ST8SIA1: variants seen among roughly 807,000 people sequenced by gnomAD.
ST8SIA1 encodes the protein ST8 alpha-N-acetyl-neuraminide alpha-2,8-sialyltransferase 1.
Under a neutral mutation model 35.9 loss-of-function variants are expected in ST8SIA1, and 16 were observed. The observed-to-expected ratio is 0.45, with a 90% CI of 0.30 to 0.68. The LOEUF is 0.68. ST8SIA1 is among the 30% of genes least tolerant of loss of function. ST8SIA1 has a pLI of 0.09. For missense variants in ST8SIA1, 383 were observed against 453.6 expected (o/e 0.84, Z 1.41); for synonymous variants, 170 against 169.6 (o/e 1.00, Z -0.02).
intron 4 of ST8SIA1, among the ~76,000 whole-genome samples, chr12:22,236,907 C>T (rs1257102481): frequency 2.6e-5 from 4 of 151,912 alleles, no homozygotes; most frequent in East Asian, 1.9e-4. Context: ...ACAAGGTTAC[C>T]GGAAAGATGT....
intron 2 of ST8SIA1, among the ~76,000 whole-genome samples, chr12:22,260,447 C>T (rs113745408): frequency 4.2e-4 from 64 of 152,304 alleles, no homozygotes; most frequent in African/African-American, 1.5e-3. Context: ...CATGAGCCAC[C>T]GCGCCCAGCC....
At chr12:22,260,450 G>C (rs1250974662) in intron 2 of ST8SIA1, among the ~76,000 whole-genome samples, 1 of 152,136 alleles carries the variant, frequency 6.6e-6, no homozygotes, top group Non-Finnish European at 1.5e-5. Context: ...GAGCCACCGC[G>C]CCCAGCCTCA....
At chr12:22,240,381 T>C (rs1481422345) in intron 4 of ST8SIA1, among the ~76,000 whole-genome samples, 1 of 152,208 alleles carries the variant, frequency 6.6e-6, no homozygotes, top group Non-Finnish European at 1.5e-5. Flanking sequence ...TTAGGGGCTT[T>C]TCTTTTCTAT....
At chr12:22,230,806 G>C (rs1361002301) in intron 4 of ST8SIA1, among the ~76,000 whole-genome samples, 1 of 152,130 alleles carries the variant, frequency 6.6e-6, no homozygotes, top group African/African-American at 2.4e-5. Flanking sequence ...TGGAACCAAG[G>C]AACACCACAT....
chr12:22,319,087 T>C (rs896965315), intron 1 of ST8SIA1, among the ~76,000 whole-genome samples: 1 of 152,216 alleles, frequency 6.6e-6, no homozygotes, highest in East Asian at 1.9e-4. Context: ...CTTAGGTAAA[T>C]AATTGTTCAC....
At position 22,194,558 on chromosome 12, in the gene ST8SIA1, C is replaced by T. The variant is rs1864961386; in HGVS notation, c.*6994G>A. 2 of 152,244 alleles carry T rather than the reference C, an allele frequency of 1.3e-5. No individual in the cohort carries two copies. The highest frequency in any genetic ancestry group is 2.1e-4 in the South Asian group (1 of 4,832). The allele number at this position is 152,244 out of a possible 1,614,324, so 9.4% of individuals were successfully genotyped here. On this transcript the variant is annotated 3_prime_UTR_variant, in exon 5 of 5. Coordinates refer to ENST00000396037, the MANE Select transcript of ST8SIA1 (RefSeq NM_003034.4). Reference sequence around the variant, plus strand: ...TCAAGCCAGAAAAAGTTAAGGCACCCTCTGCCACTCCCCACTCCCACTGAA... The same window carrying T: ...TCAAGCCAGAAAAAGTTAAGGCACCTTCTGCCACTCCCCACTCCCACTGAA...
At chr12:22,314,754 C>A (rs1866496622) in intron 1 of ST8SIA1, among the ~76,000 whole-genome samples, 1 of 152,164 alleles carries the variant, frequency 6.6e-6, no homozygotes, top group Non-Finnish European at 1.5e-5. Context: ...GGGCTCTCGG[C>A]ATGACTGTTT....
At chr12:22,261,306 G>A (rs558292350) in intron 2 of ST8SIA1, among the ~76,000 whole-genome samples, 11 of 151,958 alleles carry the variant, frequency 7.2e-5, no homozygotes, top group South Asian at 2.1e-4. Context: ...CACCACGCTC[G>A]GGTCTTTTTT....
At chr12:22,238,473 C>T (rs367611978) in intron 4 of ST8SIA1, among the ~76,000 whole-genome samples, 15 of 152,252 alleles carry the variant, frequency 9.9e-5, no homozygotes, top group Admixed American at 5.9e-4. Context: ...TGGCCAGCCC[C>T]GGCTGCTCCA....
At chr12:22,321,100 C>G (rs1866594736) in intron 1 of ST8SIA1, among the ~76,000 whole-genome samples, 1 of 151,830 alleles carries the variant, frequency 6.6e-6, no homozygotes, top group African/African-American at 2.4e-5. Context: ...CACCAGGCAC[C>G]AGACACACCA....
chr12:22,285,206 A>T (rs1866083302), intron 2 of ST8SIA1, among the ~76,000 whole-genome samples: 2 of 152,240 alleles, frequency 1.3e-5, no homozygotes, highest in Non-Finnish European at 2.9e-5. Flanking sequence ...GGAAGATTTG[A>T]AATGAGGAGG....
At chr12:22,240,978 C>CTT (rs35021216) in intron 4 of ST8SIA1, among the ~76,000 whole-genome samples, 11,493 of 130,358 alleles carry the variant, frequency 0.088, 658 homozygotes, top group Middle Eastern at 0.12. Context: ...CATGCCAACT[C>CTT]TTTTTTTTTT....
At chr12:22,285,877 C>CAAACAAAAAAAAAAAAAAA (rs1481110959) in intron 2 of ST8SIA1, among the ~76,000 whole-genome samples, 1 of 103,632 alleles carries the variant, frequency 9.6e-6, no homozygotes, top group African/African-American at 3.7e-5. Context: ...CTGTCAAAAA[C>CAAACAAAAAAAAAAAAAAA]AAAAAAAAAA....
Position 22,197,312 on chromosome 12 carries a change from CAT to C in ST8SIA1, c.*4238_*4239del, listed in dbSNP as rs1834879448. 1 of 152,202 alleles carries C rather than the reference CAT, an allele frequency of 6.6e-6. No individual in the cohort carries two copies. Among genetic ancestry groups the C allele is most frequent in the South Asian group, 2.1e-4 (1 of 4,828 alleles). The allele number at this position is 152,202 out of a possible 1,614,324, so 9.4% of individuals were successfully genotyped here. A position where few individuals can be genotyped will look rare whatever the true frequency, so the allele number is the denominator to read the frequency against. ...CTTTTGATCTTTGGAATTCTACAAA[CAT>C]AGAGAATATATTACCTGGTGCTGGT... On this transcript the variant is annotated 3_prime_UTR_variant, in exon 5 of 5. Coordinates refer to ENST00000396037, the MANE Select transcript of ST8SIA1 (RefSeq NM_003034.4).
intron 2 of ST8SIA1, among the ~76,000 whole-genome samples, chr12:22,271,118 T>A: frequency 6.6e-6 from 1 of 152,206 alleles, no homozygotes; most frequent in East Asian, 1.9e-4. Context: ...AAGCTTTGGT[T>A]GTTTCATCAG....
intron 4 of ST8SIA1, among the ~76,000 whole-genome samples, chr12:22,212,260 A>G (rs1865183872): frequency 6.6e-6 from 1 of 152,070 alleles, no homozygotes; most frequent in Admixed American, 6.5e-5. Flanking sequence ...TCCTTTATTT[A>G]CTTCTTCTTC....
At chr12:22,250,124 TG>T (rs1481319950) in intron 3 of ST8SIA1, among the ~76,000 whole-genome samples, 14 of 152,116 alleles carry the variant, frequency 9.2e-5, no homozygotes, top group Non-Finnish European at 1.5e-5. Flanking sequence ...AACCCCACCC[TG>T]CCCCAGTTGC....
intron 4 of ST8SIA1, among the ~76,000 whole-genome samples, chr12:22,202,319 C>T (rs750721029): frequency 2.0e-5 from 3 of 152,174 alleles, no homozygotes; most frequent in Non-Finnish European, 2.9e-5. Flanking sequence ...TCTCCCAGAA[C>T]GTTTTTGCCT....
chr12:22,334,328 C>T lies in ST8SIA1; in HGVS notation c.-96G>A. The stretch of plus-strand genomic sequence containing the variant: ...TCCCCCACCGCCAGCCCCCCATGCA[C>T]ACACACCTTTGGTTCTCTTACTTGC... On this transcript the variant is annotated 5_prime_UTR_variant, in exon 1 of 5. It adds an upstream start codon to the 5' untranslated region. Coordinates refer to ENST00000396037, the MANE Select transcript of ST8SIA1 (RefSeq NM_003034.4). The T allele has an allele frequency of 3.3e-6, 3 of 915,624 alleles. No homozygotes were observed. The highest frequency in any genetic ancestry group is 5.0e-6 in the Non-Finnish European group (3 of 603,688). 56.7% of individuals were successfully genotyped at this position (915,624 alleles called of 1,614,324 possible).
Sources: gnomAD v4.1 joint callset for allele counts (sites outside exome capture counted in the v4.1 genomes callset) on GRCh38, gnomAD v4.1.1 for gene constraint, MANE v1.5 for transcripts, NCBI Gene and HGNC (gene_info 2026-07-23, HGNC 2026-07-21) for gene names.